Variants in LPIN2 observed in about 807,000 individuals in gnomAD.
LPIN2 encodes lipin 2, also known as phosphatidate phosphatase LPIN2.
Under a neutral mutation model 111.4 loss-of-function variants are expected in LPIN2, and 55 were observed. The observed-to-expected ratio is 0.49, with a 90% CI of 0.40 to 0.62. The LOEUF (loss-of-function observed/expected upper bound fraction) is 0.62. Ranked by LOEUF, LPIN2 falls within the 20% of genes least tolerant of loss-of-function variation. The pLI is 0.00. For synonymous variants in LPIN2, 425 were observed against 414.0 expected, an observed-to-expected ratio of 1.03 and a Z score of -0.32; for missense variants, 992 against 1,112.1, an observed-to-expected ratio of 0.89 and a Z score of 1.54.
chr18:3,000,859 T>A (rs3016594), intron 1 of LPIN2, among the ~76,000 whole-genome samples: 1 of 151,414 alleles, frequency 6.6e-6, no homozygotes, highest in African/African-American at 2.4e-5. Flanking sequence ...AGATGGCAAA[T>A]CCCAAACCAA....
chr18:3,005,708 G>C (rs961130655), intron 1 of LPIN2, among the ~76,000 whole-genome samples: 27 of 112,918 alleles, frequency 2.4e-4, no homozygotes, highest in African/African-American at 8.5e-4. Flanking sequence ...CACACACACA[G>C]CTTATCCAGT....
chr18:2,997,044 T>C (rs3016595), intron 1 of LPIN2, among the ~76,000 whole-genome samples: 143,173 of 151,828 alleles, frequency 0.94, 67,800 homozygotes, highest in East Asian at 1. Context: ...TGCGGTGGCG[T>C]GATCTCGGCT....
In LPIN2 at chr18:2,945,737, T is replaced by C. The variant is rs2143048190; in HGVS notation, c.591-5025A>G. 4.9e-6 allele frequency: 6 copies of C among 1,212,946 alleles called. No homozygotes were observed. The East Asian group carries it at 1.2e-4, about 23-fold the overall frequency. 75.1% of individuals were successfully genotyped at this position (1,212,946 alleles called of 1,614,324 possible). ...GATCAAATTCCTTCTCTCCTTCAAA[T>C]ACAATATGCGCATCTAACAATGTGC... On this transcript the variant is annotated intron_variant, in intron 4 of 19. Coordinates refer to ENST00000677752, the MANE Select transcript of LPIN2 (RefSeq NM_001375808.2).
rs1465045218 is a variant in LPIN2 at position 2,940,671 on chromosome 18, T to A, written c.632A>T (p.Glu211Val). 1 of 1,613,454 alleles carries A rather than the reference T, an allele frequency of 6.2e-7. No homozygotes were observed. The highest frequency in any genetic ancestry group is 1.1e-5 in the South Asian group (1 of 91,074). ...NASLKEEECK[E>V]PLLFHSGDHY... is the part of the protein sequence containing the mutation. ...ATCCCCAGAATGGAAGAGCAAAGGC[T>A]CTTTACATTCTTCTTCTTTCAAGGA... is the stretch of plus-strand genomic sequence containing the variant. Residue 211 changes from glutamate to valine, a missense_variant, in exon 5 of 20, where the codon GAG becomes GTG. Glu to Val is a moderately radical substitution (Grantham distance 121). This residue lies in a region of LPIN2 where 709 missense variants were observed against 753.2 expected (regional missense o/e 0.94). Coordinates refer to ENST00000677752, the MANE Select transcript of LPIN2 (RefSeq NM_001375808.2).
chr18:2,931,093 CT>C (rs2077206423), intron 9 of LPIN2, among the ~76,000 whole-genome samples, 162 bp downstream of exon 9: 1 of 152,154 alleles, frequency 6.6e-6, no homozygotes, highest in South Asian at 2.1e-4. Flanking sequence ...CAATTAAGAC[CT>C]TAAGTGAGGG....
At position 2,917,240 on chromosome 18, in the gene LPIN2, A is replaced by T. The variant is rs954485916; in HGVS notation, c.*3053T>A. 6.6e-6 allele frequency: 1 copy of T among 152,236 alleles called. No homozygotes were observed. Among genetic ancestry groups the T allele is most frequent in the Admixed American group, 6.5e-5 (1 of 15,282 alleles). The allele number at this position is 152,236 out of a possible 1,614,324, so 9.4% of individuals were successfully genotyped here. On this transcript the variant is annotated 3_prime_UTR_variant, in exon 20 of 20. Coordinates refer to ENST00000677752, the MANE Select transcript of LPIN2 (RefSeq NM_001375808.2). ...GAGCAAAGTTTCCCCTCCCTTTCTT[A>T]CTTTCAAACAAAACCAAAAGAGTAG...
chr18:2,979,672 T>C (rs1025082909), intron 1 of LPIN2, among the ~76,000 whole-genome samples: 14 of 152,138 alleles, frequency 9.2e-5, no homozygotes, highest in East Asian at 3.8e-4. Context: ...GGGGCACAAA[T>C]ATAAAAATGA....
At position 2,920,667 on chromosome 18, in the gene LPIN2, C is replaced by T. The variant is rs1271601988; in HGVS notation, c.2546+111G>A. 3.4e-6 allele frequency: 3 copies of T among 872,616 alleles called. No individual in the cohort carries two copies. In the African/African-American group the frequency reaches 4.9e-5, roughly 14 times the overall value. The allele number at this position is 872,616 out of a possible 1,614,324, so 54.1% of individuals were successfully genotyped here. On this transcript the variant is annotated intron_variant, in intron 19 of 19. Transcript: ENST00000677752. ...ACCCACAGAGGAGATGTAGCTGATC[C>T]TTTGATCAGGGCCTGATCTCAAGGA...
At chr18:2,973,899 C>A (rs1160184576) in intron 1 of LPIN2, among the ~76,000 whole-genome samples, 2 of 152,120 alleles carry the variant, frequency 1.3e-5, no homozygotes, top group African/African-American at 4.8e-5. Flanking sequence ...CCACTTGTGG[C>A]ATCAGAGAGT....
At chr18:2,964,111 G>A (rs1462471106) in intron 1 of LPIN2, among the ~76,000 whole-genome samples, 5 of 151,134 alleles carry the variant, frequency 3.3e-5, no homozygotes, top group African/African-American at 7.3e-5. Context: ...GTGAAGGCCC[G>A]TCTTTACTAA....
chr18:2,924,783 C>G (rs1471038970), intron 14 of LPIN2, among the ~76,000 whole-genome samples: 2 of 152,210 alleles, frequency 1.3e-5, no homozygotes, highest in Non-Finnish European at 2.9e-5. Context: ...AAAAGGTCTA[C>G]TACTCTTACT....
At chr18:2,964,734 G>A (rs761519433) in intron 1 of LPIN2, among the ~76,000 whole-genome samples, 3 of 152,142 alleles carry the variant, frequency 2.0e-5, no homozygotes, top group African/African-American at 7.2e-5. Context: ...TTTTGGGATC[G>A]TTACAGTTGA....
chr18:2,950,936 G>T, intron 4 of LPIN2, 119 bp downstream of exon 4: 1 of 1,065,562 alleles, frequency 9.4e-7, no homozygotes. Context: ...ACAATAAACT[G>T]TAAAGGGGGA....
chr18:2,929,554 G>C (rs1416543503), intron 9 of LPIN2, among the ~76,000 whole-genome samples: 1 of 152,130 alleles, frequency 6.6e-6, no homozygotes, highest in Non-Finnish European at 1.5e-5. Context: ...GGCATAACTG[G>C]GGAATATTCA....
intron 2 of LPIN2, among the ~76,000 whole-genome samples, chr18:2,954,928 G>A (rs1246525734): frequency 6.6e-6 from 1 of 152,114 alleles, no homozygotes; most frequent in Non-Finnish European, 1.5e-5. Flanking sequence ...TATGGCACAG[G>A]CAGGCCTCAC....
rs1227221308 is a variant in LPIN2, at chr18:2,918,269, CAAGAAA to C, written c.*2018_*2023del. The C allele has an allele frequency of 6.6e-6, 1 of 151,930 alleles. No individual in the cohort carries two copies. Among genetic ancestry groups the C allele is most frequent in the African/African-American group, 2.4e-5 (1 of 41,302 alleles). The allele number at this position is 151,930 out of a possible 1,614,324, so 9.4% of individuals were successfully genotyped here. A position where few individuals can be genotyped will look rare whatever the true frequency, so the allele number is the denominator to read the frequency against. ...CCATGTGTCCAAAGAGAAGAGCTGT[CAAGAAA>C]AAGAAACTAGTCAAAAACTCTTTAA... On this transcript the variant is annotated 3_prime_UTR_variant, in exon 20 of 20. Coordinates refer to ENST00000677752, the MANE Select transcript of LPIN2 (RefSeq NM_001375808.2).
intron 4 of LPIN2, chr18:2,946,900 C>T: frequency 1.7e-5 from 5 of 297,150 alleles, no homozygotes; most frequent in Non-Finnish European, 3.2e-5. Flanking sequence ...TCCCGTAAGA[C>T]ATATGGAGCC....
At chr18:2,939,656 C>T (rs2077342553) in intron 5 of LPIN2, 53 bp from the exon 6 acceptor site, 6 of 1,599,766 alleles carry the variant, frequency 3.8e-6, no homozygotes. Context: ...AACCTTCAGT[C>T]TTGCTGAGCC....
At chr18:2,958,956 C>CT (rs1396482010) in intron 2 of LPIN2, among the ~76,000 whole-genome samples, 1 of 151,930 alleles carries the variant, frequency 6.6e-6, no homozygotes, top group African/African-American at 2.4e-5. Context: ...ATGATGATAC[C>CT]TTATCAGCAG....
Sources: allele counts gnomAD v4.1 joint callset (sites outside exome capture counted in the v4.1 genomes callset), GRCh38; gene constraint gnomAD v4.1.1; regional missense constraint gnomAD v4.1.1; transcripts MANE v1.5; gene names NCBI Gene and HGNC (gene_info 2026-07-23, HGNC 2026-07-21).